AHCTF1: variants seen among roughly 807,000 people sequenced by gnomAD.
AHCTF1 encodes protein ELYS.
AHCTF1 carries 24 observed loss-of-function variants against 248.4 expected under a neutral mutation model. That is an observed-to-expected ratio of 0.10 (90% CI 0.07 to 0.14). The LOEUF (loss-of-function observed/expected upper bound fraction) is 0.14, where lower values mean the gene tolerates loss of function less well. AHCTF1 is among the 10% of genes least tolerant of loss of function. AHCTF1 has a pLI of 1.00. For synonymous variants in AHCTF1, 786 were observed against 929.8 expected (o/e 0.85, Z 2.81); for missense variants, 2,206 against 2,636.2 (o/e 0.84, Z 3.57).
chr1:246,844,854 C>G (rs996472240), intron 33 of AHCTF1, among the ~76,000 whole-genome samples: 6 of 148,118 alleles, frequency 4.1e-5, no homozygotes, highest in Admixed American at 2.7e-4. Context: ...AAGCAATTAT[C>G]AATATAATTA....
chr1:246,849,148 T>C (rs1660506345), intron 33 of AHCTF1, among the ~76,000 whole-genome samples: 1 of 152,168 alleles, frequency 6.6e-6, no homozygotes, highest in South Asian at 2.1e-4. Flanking sequence ...GATGAGGGCA[T>C]GTAGATGCGC....
rs1383013085 is a variant in AHCTF1, at chr1:246,853,288, C to T, written c.4366G>A (p.Val1456Ile). ...RANDNKSMAD[V>I]LGDGGNSSLT... is the part of the protein sequence containing the mutation. ...GAGGAGTTTCCACCATCACCAAGGA[C>T]ATCAGCCATAGCTGAAAGAAAAATG... Residue 1456 changes from valine to isoleucine, a missense_variant, in exon 32 of 36, where the codon GTC (valine) becomes ATC (isoleucine). This residue lies in a region of AHCTF1 where 955 missense variants were observed against 1,055.6 expected (regional missense o/e 0.90). Coordinates refer to ENST00000648844, the MANE Select transcript of AHCTF1 (RefSeq NM_001323342.2). The T allele has an allele frequency of 3.7e-6, 6 of 1,610,762 alleles. No individual in the cohort carries two copies. The highest frequency in any genetic ancestry group is 3.3e-5 in the South Asian group (3 of 89,974).
intron 1 of AHCTF1, 100 bp downstream of exon 1, chr1:246,931,461 GCTCGCGGGGCAGAAGCC>G: frequency 1.1e-5 from 12 of 1,064,504 alleles, no homozygotes; most frequent in Non-Finnish European, 1.3e-5. Context: ...TAGGCCCGGC[GCTCGCGGGGCAGAAGCC>G]CCGCCGCCGC....
At chr1:246,872,752 T>TATA (rs1662687574) in intron 24 of AHCTF1, among the ~76,000 whole-genome samples, 1 of 152,180 alleles carries the variant, frequency 6.6e-6, no homozygotes, top group Non-Finnish European at 1.5e-5. Context: ...AATCACTATA[T>TATA]AGAAGAGCTT....
intron 11 of AHCTF1, among the ~76,000 whole-genome samples, chr1:246,899,107 T>G (rs1664814847): frequency 6.6e-6 from 1 of 152,156 alleles, no homozygotes; most frequent in Non-Finnish European, 1.5e-5. Flanking sequence ...GAAAAGTATT[T>G]TTCAAAATTC....
intron 35 of AHCTF1, 145 bp downstream of exon 35, chr1:246,842,549 T>A: frequency 1.9e-6 from 1 of 524,396 alleles, no homozygotes; most frequent in African/African-American, 2.0e-5. Context: ...ACCACTGCAC[T>A]CCAGCCTTGG....
intron 1 of AHCTF1, chr1:246,931,161 G>T (rs1015357445): frequency 1.3e-6 from 2 of 1,550,188 alleles, no homozygotes; most frequent in Non-Finnish European, 8.7e-7. Flanking sequence ...TGGAACACAC[G>T]CCAACACAGG....
chr1:246,879,141 C>A (rs573106940), intron 21 of AHCTF1, among the ~76,000 whole-genome samples: 1 of 151,958 alleles, frequency 6.6e-6, no homozygotes, highest in Non-Finnish European at 1.5e-5. Context: ...CCCAACAACA[C>A]AGGAAAAAAA....
At chr1:246,909,946 GCT>G (rs1665682503) in intron 4 of AHCTF1, among the ~76,000 whole-genome samples, 1 of 152,118 alleles carries the variant, frequency 6.6e-6, no homozygotes, top group Non-Finnish European at 1.5e-5. Flanking sequence ...TTCACCCCCT[GCT>G]GAGAACCACT....
At chr1:246,843,986 A>C in intron 33 of AHCTF1, 58 bp from the exon 34 acceptor site, 1 of 1,180,592 alleles carries the variant, frequency 8.5e-7, no homozygotes, top group Non-Finnish European at 1.1e-6. Context: ...ATATATATAA[A>C]CACAATAAAA....
rs764626395 is a variant in AHCTF1 at position 246,849,677 on chromosome 1, A to G, written c.6329T>C (p.Leu2110Pro). Reference sequence around the variant, plus strand: ...TAAAGGCTCATTGTTTGGTTCAGAAAGGTCCGGCAACAAGATGGCCTTGCT... The same window carrying G: ...TAAAGGCTCATTGTTTGGTTCAGAAGGGTCCGGCAACAAGATGGCCTTGCT... ...RSSKAILLPD[L>P]SEPNNEPLFS... The change falls in exon 33 of 36, where the codon CTT becomes CCT. Residue 2110 changes from leucine to proline, a missense_variant. Physicochemically the swap from Leu to Pro is moderately conservative, Grantham distance 98. Around this residue, in one of 6 missense-constraint regions of AHCTF1, gnomAD observed 469 missense variants for 470.0 expected, o/e 1.00. Transcript: ENST00000648844. 1.2e-6 allele frequency: 2 copies of G among 1,613,876 alleles called. No homozygotes were observed. Among genetic ancestry groups the G allele is most frequent in the Middle Eastern group, 1.6e-4 (1 of 6,078 alleles).
chr1:246,886,681 T>C (rs1277444292), intron 20 of AHCTF1, among the ~76,000 whole-genome samples: 2 of 152,120 alleles, frequency 1.3e-5, no homozygotes, highest in Non-Finnish European at 2.9e-5. Context: ...TACAAGAGGA[T>C]GTGCATAGGG....
chr1:246,914,756 C>G (rs1572460619), intron 3 of AHCTF1, among the ~76,000 whole-genome samples: 1 of 152,258 alleles, frequency 6.6e-6, no homozygotes, highest in East Asian at 1.9e-4. Flanking sequence ...TTTCCTTATT[C>G]TATATTCTCT....
chr1:246,849,929 G>A lies in AHCTF1; in HGVS notation c.6077C>T (p.Ala2026Val), dbSNP rs1474568712. The A allele has an allele frequency of 1.4e-5, 22 of 1,613,818 alleles. No individual in the cohort carries two copies. The highest frequency in any genetic ancestry group is 1.8e-5 in the Non-Finnish European group (21 of 1,179,858). Reference sequence around the variant, plus strand: ...TGGCACTAAAATGGATTTTCCTAAAGCTGGTTTTCCAACATCAACATTTTC... The same window carrying A: ...TGGCACTAAAATGGATTTTCCTAAAACTGGTTTTCCAACATCAACATTTTC... The part of the protein sequence containing the change: ...KSENVDVGKP[A>V]LGKSILVPNE... The change falls in exon 33 of 36, where the codon GCT (alanine) becomes GTT (valine). Residue 2026 changes from alanine (A) to valine (V), a missense_variant. Coordinates refer to ENST00000648844, the MANE Select transcript of AHCTF1 (RefSeq NM_001323342.2).
intron 30 of AHCTF1, among the ~76,000 whole-genome samples, chr1:246,856,928 G>C (rs1279030705): frequency 6.6e-6 from 1 of 152,176 alleles, no homozygotes; most frequent in African/African-American, 2.4e-5. Context: ...TAATTTTACT[G>C]AATCACCCTT....
At chr1:246,868,202 C>T (rs911841756) in intron 24 of AHCTF1, among the ~76,000 whole-genome samples, 73 of 150,824 alleles carry the variant, frequency 4.8e-4, no homozygotes, top group African/African-American at 6.6e-4. Context: ...AATCTTGGCT[C>T]ACTGCAACCT....
chr1:246,925,398 T>C (rs1666858243), intron 1 of AHCTF1, among the ~76,000 whole-genome samples: 1 of 152,222 alleles, frequency 6.6e-6, no homozygotes, highest in Admixed American at 6.5e-5. Context: ...AGTTTTGTTA[T>C]GTTGTTTGAA....
intron 24 of AHCTF1, among the ~76,000 whole-genome samples, chr1:246,870,092 ACTTCAGTGGAGAAAACAACTG>A (rs1662471612): frequency 6.6e-6 from 1 of 152,142 alleles, no homozygotes; most frequent in East Asian, 1.9e-4. Flanking sequence ...GGGCTTCAAG[ACTTCAGTGGAGAAAACAACTG>A]CAGATATGGG....
intron 7 of AHCTF1, 130 bp downstream of exon 7, chr1:246,903,819 C>T: frequency 1.4e-6 from 1 of 710,132 alleles, no homozygotes; most frequent in Non-Finnish European, 2.2e-6. Flanking sequence ...GCCTGGGCGA[C>T]AGAGCGAGAC....
Sources: gnomAD v4.1 joint callset for allele counts (sites outside exome capture counted in the v4.1 genomes callset) on GRCh38, gnomAD v4.1.1 for gene constraint, gnomAD v4.1.1 regional missense constraint, MANE v1.5 for transcripts, NCBI Gene and HGNC (gene_info 2026-07-23, HGNC 2026-07-21) for gene names.